The following ESRRG variants were observed in gnomAD, a reference collection of about 807,000 sequenced individuals.
ESRRG encodes estrogen related receptor gamma, also known as estrogen-related receptor gamma.
ESRRG carries 13 observed loss-of-function variants against 44.0 expected under a neutral mutation model. That is an observed-to-expected ratio of 0.30 (90% CI 0.19 to 0.47). The LOEUF (loss-of-function observed/expected upper bound fraction) is 0.47, where lower values mean the gene tolerates loss of function less well. Ranked by LOEUF, ESRRG falls within the 20% of genes least tolerant of loss-of-function variation. The pLI is 1.00. For synonymous variants in ESRRG, 215 were observed against 214.6 expected (o/e 1.00, Z -0.02); for missense variants, 395 against 580.6 (o/e 0.68, Z 3.29).
chr1:217,081,513 C>T (rs1043478848), intron 1 of ESRRG, among the ~76,000 whole-genome samples: 7 of 152,020 alleles, frequency 4.6e-5, no homozygotes, highest in Non-Finnish European at 7.4e-5. Context: ...AGGTGTGAGC[C>T]GCCGTGCCAG....
At chr1:216,522,137 TTG>T (rs955689427) in intron 5 of ESRRG, among the ~76,000 whole-genome samples, 6 of 151,706 alleles carry the variant, frequency 4.0e-5, no homozygotes, top group Non-Finnish European at 2.9e-5. Flanking sequence ...ATATTGATGG[TTG>T]TGTGTGTGTA....
intron 3 of ESRRG, among the ~76,000 whole-genome samples, chr1:216,620,169 C>T (rs1445120109): frequency 1.3e-5 from 2 of 152,150 alleles, no homozygotes; most frequent in Non-Finnish European, 2.9e-5. Context: ...TACTGTGTAA[C>T]TTACCAGCTA....
At chr1:216,623,640 T>C (rs2062680996) in intron 3 of ESRRG, among the ~76,000 whole-genome samples, 1 of 152,102 alleles carries the variant, frequency 6.6e-6, no homozygotes. Context: ...CAAATACTGA[T>C]AAGAATAACT....
chr1:217,015,936 G>T (rs2150852271), intron 1 of ESRRG, among the ~76,000 whole-genome samples: 1 of 152,102 alleles, frequency 6.6e-6, no homozygotes, highest in South Asian at 2.1e-4. Context: ...TCACCATGTT[G>T]ACCAGGCTGG....
rs557383537 is a variant in ESRRG at position 216,618,544 on chromosome 1, A to G, written c.589+32429T>C. ...AAGTAATATGTATATAACGATTCAG[A>G]CATCCGTATGTATACATTATGTGGC... On this transcript the variant is annotated intron_variant, in intron 3 of 6. Coordinates refer to ENST00000408911, the MANE Select transcript of ESRRG (RefSeq NM_001438.4). 7.5e-4 allele frequency among the ~76,000 whole-genome samples: 114 copies of G among 152,356 alleles called. 1 individual carries two copies. Among genetic ancestry groups the G allele is most frequent in the African/African-American group, 2.5e-3 (106 of 41,578 alleles).
rs1559603707 is a variant in ESRRG, at chr1:216,779,244, T to TTTATAAACA, written c.-13-101754_-13-101753insTGTTTATAA. The stretch of plus-strand genomic sequence containing the variant: ...TTATATTTATAAATATAAATATATA[T>TTTATAAACA]TTATATTTATAAATATAAATATATA... On this transcript the variant is annotated intron_variant, in intron 2 of 7. Transcript: ENST00000359162. 6.7e-4 allele frequency among the ~76,000 whole-genome samples: 43 copies of TTTATAAACA among 64,010 alleles called. 4 individuals carry two copies. Among genetic ancestry groups the TTTATAAACA allele is most frequent in the African/African-American group, 4.3e-3 (39 of 9,090 alleles). The allele number at this position is 64,010 out of a possible 152,430, so 42.0% of individuals were successfully genotyped here. A position where few individuals can be genotyped will look rare whatever the true frequency, so the allele number is the denominator to read the frequency against.
intron 5 of ESRRG, among the ~76,000 whole-genome samples, chr1:216,548,699 G>A (rs1469421852): frequency 2.6e-5 from 4 of 151,820 alleles, no homozygotes; most frequent in Non-Finnish European, 5.9e-5. Context: ...TAGTACGCTG[G>A]GCTACTCCAT....
chr1:216,736,524 G>A (rs2089949310), intron 2 of ESRRG, among the ~76,000 whole-genome samples: 1 of 152,036 alleles, frequency 6.6e-6, no homozygotes, highest in African/African-American at 2.4e-5. Flanking sequence ...CCCTCAAGTT[G>A]ACGTCACACT....
rs113482264 is a variant in ESRRG, at chr1:216,521,452, CA to C, written c.863-2032del. 2.9e-3 allele frequency among the ~76,000 whole-genome samples: 427 copies of C among 144,918 alleles called. 1 individual carries two copies. The highest frequency in any genetic ancestry group is 7.4e-3 in the Middle Eastern group (2 of 272). ...GAATTTCTTGTGTAAATTAAAATAC[CA>C]AAAAAAAAAAATCATCTGGAAAGTT... is the stretch of plus-strand genomic sequence containing the variant. On this transcript the variant is annotated intron_variant, in intron 5 of 6. Transcript: ENST00000408911.
intron 1 of ESRRG, among the ~76,000 whole-genome samples, chr1:216,715,987 T>G (rs888996907): frequency 8.5e-5 from 13 of 152,098 alleles, no homozygotes; most frequent in Non-Finnish European, 7.4e-5. Context: ...TTAATTTATA[T>G]TTTAATTTTC....
intron 2 of ESRRG, among the ~76,000 whole-genome samples, chr1:216,933,858 A>G (rs570579544): frequency 2.6e-4 from 40 of 152,052 alleles, no homozygotes; most frequent in Non-Finnish European, 4.3e-4. Flanking sequence ...TCTCCCTTGG[A>G]CTATAGCTTT....
chr1:216,655,724 A>G (rs967964885), intron 2 of ESRRG, among the ~76,000 whole-genome samples: 2 of 152,184 alleles, frequency 1.3e-5, no homozygotes, highest in African/African-American at 4.8e-5. Flanking sequence ...TTATATCTTG[A>G]AAAACAAGTC....
At chr1:216,893,993 T>C (rs2058120652) in intron 2 of ESRRG, among the ~76,000 whole-genome samples, 1 of 152,208 alleles carries the variant, frequency 6.6e-6, no homozygotes. Flanking sequence ...CAACACATTA[T>C]TCAATGATTC....
intron 1 of ESRRG, among the ~76,000 whole-genome samples, chr1:216,977,211 A>G (rs1260817670): frequency 6.6e-6 from 1 of 152,030 alleles, no homozygotes; most frequent in East Asian, 1.9e-4. Flanking sequence ...AGACTCGCAC[A>G]TTTACTCTAG....
chr1:216,535,224 G>A (rs2050585454), intron 5 of ESRRG, among the ~76,000 whole-genome samples: 1 of 152,140 alleles, frequency 6.6e-6, no homozygotes, highest in East Asian at 1.9e-4. Flanking sequence ...AACTAGCTGT[G>A]TAAACTTCAG....
intron 3 of ESRRG, among the ~76,000 whole-genome samples, chr1:216,644,427 CTTT>C (rs71161439): frequency 2.3e-5 from 3 of 128,496 alleles, no homozygotes; most frequent in African/African-American, 2.9e-5. Flanking sequence ...TTCTTTCTTT[CTTT>C]TTTTTTTTTT....
chr1:216,976,136 T>G (rs1355107845), intron 1 of ESRRG, among the ~76,000 whole-genome samples: 8 of 152,140 alleles, frequency 5.3e-5, no homozygotes, highest in African/African-American at 1.9e-4. Context: ...AGTAGAGTCC[T>G]ACATTAATCC....
chr1:216,599,684 G>GA (rs534390321), intron 3 of ESRRG, among the ~76,000 whole-genome samples: 4 of 150,634 alleles, frequency 2.7e-5, no homozygotes, highest in African/African-American at 4.9e-5. Context: ...AAAAGCCAAA[G>GA]AAAAAAAAAT....
chr1:217,087,423 T>C (rs1188078953), intron 1 of ESRRG, among the ~76,000 whole-genome samples: 1 of 152,216 alleles, frequency 6.6e-6, no homozygotes, highest in Non-Finnish European at 1.5e-5. Context: ...GATGGGAACA[T>C]GGTACTCTCT....
Sources: allele counts gnomAD v4.1 joint callset (sites outside exome capture counted in the v4.1 genomes callset), GRCh38; gene constraint gnomAD v4.1.1; transcripts MANE v1.5; gene names NCBI Gene and HGNC (gene_info 2026-07-23, HGNC 2026-07-21).